Variants in FBXW11 observed in about 807,000 individuals in gnomAD.
FBXW11 encodes the protein F-box and WD repeat domain containing 11.
Under a neutral mutation model 77.6 loss-of-function variants are expected in FBXW11, and 19 were observed. The ratio of observed to expected loss-of-function variants is 0.24; its 90% CI spans 0.17 to 0.36. FBXW11 has a LOEUF of 0.36. Ranked by LOEUF, FBXW11 falls within the 10% of genes least tolerant of loss-of-function variation. FBXW11 has a pLI of 1.00. For missense variants in FBXW11, 334 were observed against 704.2 expected, an observed-to-expected ratio of 0.47 and a Z score of 5.95; for synonymous variants, 235 against 249.4, an observed-to-expected ratio of 0.94 and a Z score of 0.54.
At chr5:171,991,191 T>C (rs544147033) in intron 1 of FBXW11, among the ~76,000 whole-genome samples, 7 of 152,276 alleles carry the variant, frequency 4.6e-5, no homozygotes, top group Non-Finnish European at 8.8e-5. Context: ...CGAGTATTGA[T>C]TGACTGTAGC....
rs74528348 is a variant in FBXW11, at chr5:171,902,412, T to C, written c.437-2312A>G. 3.9e-3 allele frequency among the ~76,000 whole-genome samples: 592 copies of C among 151,854 alleles called. 22 individuals are homozygous for C. In the East Asian group the frequency reaches 0.089, roughly 23 times the overall value. ...TATAAAGTGTAGATGAGCAAAAATTTTTAAATCCCTAAACCCCATTTCCCA... is the reference window on the plus strand; with the variant it reads ...TATAAAGTGTAGATGAGCAAAAATTCTTAAATCCCTAAACCCCATTTCCCA... On this transcript the variant is annotated intron_variant, in intron 4 of 13. Coordinates refer to ENST00000517395, the MANE Select transcript of FBXW11 (RefSeq NM_001378974.1).
chr5:171,905,263 A>G (rs975975929), intron 4 of FBXW11, among the ~76,000 whole-genome samples: 3 of 152,220 alleles, frequency 2.0e-5, no homozygotes, highest in African/African-American at 7.2e-5. Flanking sequence ...TTTTCCTTTT[A>G]GGATCTCAGT....
At chr5:171,989,382 C>CA (rs1029722357) in intron 1 of FBXW11, among the ~76,000 whole-genome samples, 99 of 152,334 alleles carry the variant, frequency 6.5e-4, no homozygotes, top group African/African-American at 2.4e-3. Context: ...GCCAAGGAAT[C>CA]AAAGTTAGCA....
At chr5:172,002,446 G>GTGTGTGTGTGTGTGT (rs1766464395) in intron 1 of FBXW11, among the ~76,000 whole-genome samples, 2 of 149,424 alleles carry the variant, frequency 1.3e-5, no homozygotes, top group African/African-American at 5.0e-5. Flanking sequence ...GTGTGTGTGT[G>GTGTGTGTGTGTGTGT]GTTTATTCAT....
rs1759574530 is a variant in FBXW11, at chr5:171,894,084, T to C, written c.715-2480A>G. Among the ~76,000 whole-genome samples, 3 of 151,998 alleles carry C rather than the reference T, an allele frequency of 2.0e-5. No homozygotes were observed. The South Asian group carries it at 6.2e-4, about 31-fold the overall frequency. ...GTGATGTGGTTACAATCTTTAACTGTACCCAAAACCCTGAAGACGCAGCAG... is the reference window on the plus strand; with the variant it reads ...GTGATGTGGTTACAATCTTTAACTGCACCCAAAACCCTGAAGACGCAGCAG... On this transcript the variant is annotated intron_variant, in intron 6 of 13. Transcript: ENST00000517395.
intron 2 of FBXW11, among the ~76,000 whole-genome samples, chr5:171,934,590 T>C (rs1179760204): frequency 6.6e-6 from 1 of 151,408 alleles, no homozygotes; most frequent in East Asian, 1.9e-4. Flanking sequence ...GGCACAAGAA[T>C]TGCTTGAACC....
chr5:171,959,106 T>C (rs1581254882), intron 1 of FBXW11, among the ~76,000 whole-genome samples: 1 of 151,342 alleles, frequency 6.6e-6, no homozygotes, highest in South Asian at 2.1e-4. Context: ...AATATTGAGA[T>C]TACTTAGAAA....
In FBXW11 at chr5:171,869,922, G is replaced by A. The variant is rs979265953; in HGVS notation, c.1452-115C>T. Reference sequence around the variant, plus strand: ...CTGCCTATTTATAAAAGCTAATGGGGAACATGCTTATGTTTTTACAAATCA... The same window carrying A: ...CTGCCTATTTATAAAAGCTAATGGGAAACATGCTTATGTTTTTACAAATCA... On this transcript the variant is annotated intron_variant, in intron 11 of 13. Coordinates refer to ENST00000517395, the MANE Select transcript of FBXW11 (RefSeq NM_001378974.1). The surrounding 1 kb of genome is among the most constrained non-coding windows in gnomAD (Gnocchi z 4.1). 26 of 526,296 alleles carry A rather than the reference G, an allele frequency of 4.9e-5. No homozygotes were observed. Among genetic ancestry groups the A allele is most frequent in the Non-Finnish European group, 8.1e-5 (24 of 297,494 alleles). The allele number at this position is 526,296 out of a possible 1,614,324, so 32.6% of individuals were successfully genotyped here. A position where few individuals can be genotyped will look rare whatever the true frequency, so the allele number is the denominator to read the frequency against.
At chr5:171,893,507 G>A (rs1031009333) in intron 6 of FBXW11, among the ~76,000 whole-genome samples, 1 of 143,594 alleles carries the variant, frequency 7.0e-6, no homozygotes, top group African/African-American at 2.6e-5. Flanking sequence ...CCGGATAAGC[G>A]ACTTTTTAAA....
intron 10 of FBXW11, among the ~76,000 whole-genome samples, chr5:171,872,257 T>G (rs900419475): frequency 6.6e-6 from 1 of 152,258 alleles, no homozygotes; most frequent in Admixed American, 6.5e-5. Flanking sequence ...TATCTTTATT[T>G]TGACCAAACA....
At chr5:171,885,205 G>A (rs1405010016) in intron 7 of FBXW11, among the ~76,000 whole-genome samples, 1 of 152,204 alleles carries the variant, frequency 6.6e-6, no homozygotes, top group Non-Finnish European at 1.5e-5. Context: ...ACCTAGTATA[G>A]TTTTAAAAGT....
At chr5:171,868,551 T>C in intron 13 of FBXW11, 59 bp downstream of exon 13, 8 of 1,436,132 alleles carry the variant, frequency 5.6e-6, no homozygotes, top group Non-Finnish European at 7.6e-6. Flanking sequence ...TCACAAAATT[T>C]CCCCAAAGGG....
chr5:171,920,604 G>A (rs909733674), intron 2 of FBXW11, among the ~76,000 whole-genome samples: 1 of 151,910 alleles, frequency 6.6e-6, no homozygotes, highest in Non-Finnish European at 1.5e-5. Context: ...CTATTCAGGA[G>A]GCCAAGGCAA....
chr5:171,948,571 C>T (rs1581242241), intron 2 of FBXW11, among the ~76,000 whole-genome samples: 2 of 152,048 alleles, frequency 1.3e-5, no homozygotes, highest in Non-Finnish European at 2.9e-5. Flanking sequence ...GATCCCATTT[C>T]TATTTAATTA....
At chr5:171,898,901 T>C (rs1031396196) in intron 6 of FBXW11, 103 bp downstream of exon 6, 1 of 608,572 alleles carries the variant, frequency 1.6e-6, no homozygotes, top group African/African-American at 1.9e-5. Flanking sequence ...TTAAAAAAAA[T>C]TATTAGTTCT....
chr5:171,874,131 T>C (rs1453039529), intron 9 of FBXW11, among the ~76,000 whole-genome samples: 1 of 152,192 alleles, frequency 6.6e-6, no homozygotes, highest in Non-Finnish European at 1.5e-5. Context: ...ATAAGGGACT[T>C]GTGCCCAGAA....
chr5:171,960,830 A>C (rs536503993), intron 1 of FBXW11, among the ~76,000 whole-genome samples: 2 of 152,220 alleles, frequency 1.3e-5, no homozygotes, highest in South Asian at 4.1e-4. Flanking sequence ...TTGATTTTAA[A>C]ACATTAGCCA....
At chr5:171,961,289 G>A (rs996743168) in intron 1 of FBXW11, among the ~76,000 whole-genome samples, 4 of 152,162 alleles carry the variant, frequency 2.6e-5, no homozygotes, top group Non-Finnish European at 4.4e-5. Flanking sequence ...ATCATCCCAG[G>A]ACTGGGAACT....
chr5:171,997,097 C>T (rs900856178), intron 1 of FBXW11: 4 of 1,281,468 alleles, frequency 3.1e-6, no homozygotes, highest in South Asian at 2.5e-5. Context: ...ATGGCACCAG[C>T]GGCAAAGGAC....
Sources: gnomAD v4.1 joint callset for allele counts (sites outside exome capture counted in the v4.1 genomes callset) on GRCh38, gnomAD v4.1.1 for gene constraint, Gnocchi (gnomAD v3.1) non-coding constraint, MANE v1.5 for transcripts, NCBI Gene and HGNC (gene_info 2026-07-23, HGNC 2026-07-21) for gene names.